The following PTK7 variants were observed in gnomAD, a reference collection of about 807,000 sequenced individuals.
PTK7 encodes the protein inactive tyrosine-protein kinase 7.
In PTK7, 39 loss-of-function variants were observed where a neutral mutation model predicts 116.6. The ratio of observed to expected loss-of-function variants is 0.33; its 90% CI spans 0.26 to 0.44. PTK7 has a LOEUF of 0.44. Among genes scored for constraint, PTK7 ranks in the 20% least tolerant of loss-of-function variants. The probability of loss-of-function intolerance (pLI) is 1.00; values close to 1 mark genes in which losing one functional copy is unlikely to be tolerated. For missense variants in PTK7, 1,169 were observed against 1,425.6 expected (o/e 0.82, Z 2.90); for synonymous variants, 546 against 563.6 (o/e 0.97, Z 0.44).
Position 43,139,155 on chromosome 6 carries a change from T to C in PTK7, c.1382T>C (p.Phe461Ser), listed in dbSNP as rs1471245150. ...LISEDSRFEV[F>S]KNGTLRINSV... is the part of the protein sequence containing the mutation. ...CTGCAGGACTCACGGTTCGAGGTCT[T>C]CAAGAATGGGACCTTGCGCATCAAC... The change falls in exon 9 of 20, where the codon TTC becomes TCC. Residue 461 changes from phenylalanine to serine, a missense_variant. Phe to Ser is a radical substitution (Grantham distance 155). Transcript: ENST00000230419. This position sits in a 1 kb window ranked among gnomAD's most constrained non-coding sequence, Gnocchi z 4.6. The C allele has an allele frequency of 6.2e-7, 1 of 1,614,202 alleles. No individual in the cohort carries two copies. The highest frequency in any genetic ancestry group is 8.5e-7 in the Non-Finnish European group (1 of 1,180,034).
chr6:43,145,460 T>A lies in PTK7; in HGVS notation c.2640+28T>A. 1 of 1,497,846 alleles carries A rather than the reference T, an allele frequency of 6.7e-7. No homozygotes were observed. 92.8% of individuals were successfully genotyped at this position (1,497,846 alleles called of 1,614,324 possible). On this transcript the variant is annotated intron_variant, in intron 16 of 19. Coordinates refer to ENST00000230419, the MANE Select transcript of PTK7 (RefSeq NM_002821.5). The surrounding 1 kb of genome is among the most constrained non-coding windows in gnomAD (Gnocchi z 4.8). ...ATGCTGTTGGCAGGGGACGTGGGGG[T>A]CTCGGGTAGGGAGGGCAGTGTCCTA...
At chr6:43,160,117 T>C (rs1771760779) in intron 19 of PTK7, 151 bp downstream of exon 19, 1 of 817,502 alleles carries the variant, frequency 1.2e-6, no homozygotes, top group African/African-American at 1.7e-5. Flanking sequence ...AATACTGCAA[T>C]ACTTTGTTTT....
chr6:43,096,255 A>T (rs540425213), intron 1 of PTK7, among the ~76,000 whole-genome samples: 47 of 152,318 alleles, frequency 3.1e-4, no homozygotes, highest in Admixed American at 1.0e-3. Context: ...AAATTAGTTA[A>T]AAGTTGCTCT....
At chr6:43,083,454 T>C (rs1257870524) in intron 1 of PTK7, among the ~76,000 whole-genome samples, 2 of 152,272 alleles carry the variant, frequency 1.3e-5, no homozygotes, top group Non-Finnish European at 2.9e-5. Context: ...AGTTCACTGC[T>C]GAGCCCCCTG....
Position 43,145,520 on chromosome 6 carries a change from A to G in PTK7, c.2640+88A>G. ...GAGTCAGTGGTTGGAGCACCGTGAA[A>G]ACCTTGTCTCGTGCAGTCTCAGCCG... On this transcript the variant is annotated intron_variant, in intron 16 of 19. Coordinates refer to ENST00000230419, the MANE Select transcript of PTK7 (RefSeq NM_002821.5). The surrounding 1 kb of genome is among the most constrained non-coding windows in gnomAD (Gnocchi z 4.8). The G allele has an allele frequency of 8.7e-7, 1 of 1,152,434 alleles. No homozygotes were observed. The highest frequency in any genetic ancestry group is 1.2e-6 in the Non-Finnish European group (1 of 836,828). The allele number at this position is 1,152,434 out of a possible 1,614,324, so 71.4% of individuals were successfully genotyped here.
chr6:43,080,069 A>T (rs1390895031), intron 1 of PTK7, among the ~76,000 whole-genome samples: 1 of 149,120 alleles, frequency 6.7e-6, no homozygotes, highest in African/African-American at 2.5e-5. Flanking sequence ...AAAAAAAAAA[A>T]GGGCAGGATG....
chr6:43,157,347 TATATA>T (rs1771515561), intron 17 of PTK7, among the ~76,000 whole-genome samples: 2 of 14,534 alleles, frequency 1.4e-4, no homozygotes, highest in East Asian at 1.3e-3. Context: ...TATATATATA[TATATA>T]TATATATATA....
intron 19 of PTK7, 150 bp downstream of exon 19, chr6:43,160,116 A>G (rs572161857): frequency 1.6e-5 from 13 of 827,162 alleles, no homozygotes; most frequent in African/African-American, 3.4e-5. Flanking sequence ...AAATACTGCA[A>G]TACTTTGTTT....
intron 7 of PTK7, among the ~76,000 whole-genome samples, chr6:43,135,325 C>T (rs1268656597): frequency 1.3e-5 from 2 of 152,204 alleles, no homozygotes; most frequent in Non-Finnish European, 2.9e-5. Context: ...TTGTCGAGCA[C>T]CTTGTGCTAG....
intron 1 of PTK7, among the ~76,000 whole-genome samples, chr6:43,091,199 C>T (rs1261194277): frequency 1.4e-5 from 2 of 140,354 alleles, no homozygotes; most frequent in Admixed American, 7.7e-5. Flanking sequence ...CTCACTCTGT[C>T]GCCCAAGCTG....
At chr6:43,123,841 T>G (rs1392547657) in intron 1 of PTK7, among the ~76,000 whole-genome samples, 1 of 152,190 alleles carries the variant, frequency 6.6e-6, no homozygotes, top group Non-Finnish European at 1.5e-5. Context: ...CAGCACCCTC[T>G]GCGTTTTGTG....
intron 1 of PTK7, among the ~76,000 whole-genome samples, chr6:43,106,607 C>T (rs995083689): frequency 1.3e-5 from 2 of 149,480 alleles, no homozygotes; most frequent in East Asian, 4.0e-4. Context: ...CCCTTTCCTT[C>T]GTAAAACCTT....
At chr6:43,149,584 A>C (rs1770952682) in intron 17 of PTK7, among the ~76,000 whole-genome samples, 1 of 152,048 alleles carries the variant, frequency 6.6e-6, no homozygotes, top group African/African-American at 2.4e-5. Flanking sequence ...CTGGTGCAGC[A>C]GTATGTGCCT....
intron 1 of PTK7, among the ~76,000 whole-genome samples, chr6:43,108,398 CTTT>C (rs1172537819): frequency 7.3e-6 from 1 of 137,300 alleles, no homozygotes; most frequent in Non-Finnish European, 1.6e-5. Flanking sequence ...CCCGGCCAAC[CTTT>C]TTTTTTTTTT....
At chr6:43,128,618 C>G (rs1361491605) in intron 1 of PTK7, among the ~76,000 whole-genome samples, 1 of 152,070 alleles carries the variant, frequency 6.6e-6, no homozygotes, top group Non-Finnish European at 1.5e-5. Flanking sequence ...AACCCTGTCT[C>G]TACTAAAAAT....
chr6:43,082,857 G>T (rs1184663978), intron 1 of PTK7, among the ~76,000 whole-genome samples: 1 of 152,204 alleles, frequency 6.6e-6, no homozygotes, highest in African/African-American at 2.4e-5. Context: ...AAAGCCAGTG[G>T]AGAAACTGGA....
intron 18 of PTK7, 128 bp from the exon 19 acceptor site, chr6:43,159,660 T>G (rs1374813816): frequency 1.1e-6 from 1 of 938,722 alleles, no homozygotes; most frequent in Admixed American, 2.0e-5. Context: ...TGTGACCAAT[T>G]TCTTGATGTC....
At chr6:43,127,373 C>G (rs1018640070) in intron 1 of PTK7, among the ~76,000 whole-genome samples, 1 of 152,208 alleles carries the variant, frequency 6.6e-6, no homozygotes, top group Non-Finnish European at 1.5e-5. Flanking sequence ...TTGCTCCTGC[C>G]GCCGCCGTAA....
chr6:43,098,813 G>A (rs1357725281), intron 1 of PTK7, among the ~76,000 whole-genome samples: 1 of 152,100 alleles, frequency 6.6e-6, no homozygotes, highest in African/African-American at 2.4e-5. Flanking sequence ...TAAAAGCAAA[G>A]ACAGATATAT....
Sources: gnomAD v4.1 joint callset for allele counts (sites outside exome capture counted in the v4.1 genomes callset) on GRCh38, gnomAD v4.1.1 for gene constraint, Gnocchi (gnomAD v3.1) non-coding constraint, MANE v1.5 for transcripts, NCBI Gene and HGNC (gene_info 2026-07-23, HGNC 2026-07-21) for gene names.